SEC23A: variants seen among roughly 807,000 people sequenced by gnomAD.
The protein encoded by SEC23A is protein transport protein Sec23A.
Under a neutral mutation model 103.7 loss-of-function variants are expected in SEC23A, and 56 were observed. That is an observed-to-expected ratio of 0.54 (90% CI 0.44 to 0.67). SEC23A has a LOEUF of 0.67. Among genes scored for constraint, SEC23A ranks in the 30% least tolerant of loss-of-function variants. SEC23A has a pLI of 0.00. For synonymous variants in SEC23A, 281 were observed against 293.0 expected (o/e 0.96, Z 0.42); for missense variants, 784 against 936.4 (o/e 0.84, Z 2.12).
At chr14:39,055,543 G>C (rs1886214872) in intron 13 of SEC23A, among the ~76,000 whole-genome samples, 1 of 152,042 alleles carries the variant, frequency 6.6e-6, no homozygotes. Flanking sequence ...AAGTAGCTGG[G>C]ATTACAGGCA....
intron 8 of SEC23A, among the ~76,000 whole-genome samples, chr14:39,075,042 G>A (rs753032752): frequency 9.9e-5 from 15 of 152,180 alleles, no homozygotes; most frequent in Non-Finnish European, 1.8e-4. Context: ...AAGAGATGGA[G>A]CTTACAGTGA....
intron 10 of SEC23A, among the ~76,000 whole-genome samples, chr14:39,066,018 A>C (rs1359973714): frequency 3.3e-5 from 4 of 120,698 alleles, no homozygotes; most frequent in South Asian, 2.7e-4. Flanking sequence ...AAAAAAAAAA[A>C]AAAAAAAAAA....
At chr14:39,076,964 C>T (rs1160476963) in intron 7 of SEC23A, among the ~76,000 whole-genome samples, 2 of 150,784 alleles carry the variant, frequency 1.3e-5, no homozygotes, top group African/African-American at 2.4e-5. Context: ...CAGTGGCTGA[C>T]GCCTGTAATC....
rs140996705 is a variant in SEC23A at position 39,046,296 on chromosome 14, C to T, written c.1738-972G>A. Among the ~76,000 whole-genome samples, 66 of 152,142 alleles carry T rather than the reference C, an allele frequency of 4.3e-4. 1 individual carries two copies. In the East Asian group the frequency reaches 0.011, roughly 26 times the overall value. ...CCAGCCTGGCCAACATGGTGAAACCCCGTCTCTACTAAAAATACAAAAAAT... is the reference window on the plus strand; with the variant it reads ...CCAGCCTGGCCAACATGGTGAAACCTCGTCTCTACTAAAAATACAAAAAAT... On this transcript the variant is annotated intron_variant, in intron 15 of 19. Transcript: ENST00000307712.
At chr14:39,073,481 A>G (rs1197929393) in intron 9 of SEC23A, among the ~76,000 whole-genome samples, 2 of 150,654 alleles carry the variant, frequency 1.3e-5, no homozygotes, top group Admixed American at 6.7e-5. Flanking sequence ...TTTAGTAGAG[A>G]CAGGGTTTCA....
chr14:39,049,192 T>C (rs1438587376), intron 14 of SEC23A, among the ~76,000 whole-genome samples: 3 of 129,236 alleles, frequency 2.3e-5, no homozygotes, highest in Non-Finnish European at 5.1e-5. Flanking sequence ...AAAAAAAAAA[T>C]TGTGGCCGGG....
At chr14:39,065,029 A>C in intron 10 of SEC23A, 36 bp from the exon 11 acceptor site, 1 of 1,335,218 alleles carries the variant, frequency 7.5e-7, no homozygotes, top group Non-Finnish European at 1.1e-6. Context: ...CGGTTTCCTC[A>C]AAGATACGTT....
chr14:39,054,274 C>CAA (rs111991914), intron 14 of SEC23A, among the ~76,000 whole-genome samples: 1 of 115,570 alleles, frequency 8.7e-6, no homozygotes, highest in South Asian at 2.9e-4. Context: ...GACCCTGTCT[C>CAA]AAAAAAAAAA....
chr14:39,064,885 T>C, intron 11 of SEC23A, 28 bp downstream of exon 11: 3 of 1,516,544 alleles, frequency 2.0e-6, no homozygotes, highest in Non-Finnish European at 2.7e-6. Flanking sequence ...TGGTCCTGTA[T>C]TTTCTTTTTA....
At chr14:39,093,082 T>C (rs1887717101) in intron 3 of SEC23A, 105 bp downstream of exon 3, 2 of 833,768 alleles carry the variant, frequency 2.4e-6, no homozygotes, top group Non-Finnish European at 1.9e-6. Context: ...TTAGCCAGGA[T>C]GGTCTCAATC....
At chr14:39,077,814 T>C (rs1008624783) in intron 7 of SEC23A, among the ~76,000 whole-genome samples, 1 of 151,202 alleles carries the variant, frequency 6.6e-6, no homozygotes, top group Non-Finnish European at 1.5e-5. Context: ...ACACCTGTAA[T>C]CCCAGCTTCT....
chr14:39,078,339 A>G (rs1887110688), intron 7 of SEC23A, among the ~76,000 whole-genome samples: 1 of 152,202 alleles, frequency 6.6e-6, no homozygotes, highest in African/African-American at 2.4e-5. Flanking sequence ...TTCAAACAAT[A>G]AATTGTACTG....
At chr14:39,082,747 A>G (rs936975818) in intron 7 of SEC23A, among the ~76,000 whole-genome samples, 6 of 152,228 alleles carry the variant, frequency 3.9e-5, no homozygotes, top group African/African-American at 1.4e-4. Flanking sequence ...GTAAAATGTA[A>G]CAATAAGAAC....
chr14:39,035,136 G>A (rs907783964), intron 19 of SEC23A, among the ~76,000 whole-genome samples: 1 of 152,038 alleles, frequency 6.6e-6, no homozygotes, highest in Admixed American at 6.6e-5. Context: ...ATCTATATGA[G>A]CCTCAATTTC....
Position 39,073,603 on chromosome 14 carries a change from C to CTTT in SEC23A, c.1103+809_1103+811dup, listed in dbSNP as rs905464578. Among the ~76,000 whole-genome samples, 586 of 83,884 alleles carry CTTT rather than the reference C, an allele frequency of 7.0e-3. 2 individuals are homozygous for CTTT. Among genetic ancestry groups the CTTT allele is most frequent in the Non-Finnish European group, 8.3e-3 (364 of 44,036 alleles). 55.0% of individuals were successfully genotyped at this position (83,884 alleles called of 152,430 possible). A position where few individuals can be genotyped will look rare whatever the true frequency, so the allele number is the denominator to read the frequency against. ...GCCACGGTGCCCGGCTCTGATTCCT[C>CTTT]TTTTTTTTTTTTTTTTTTTTTTTTG... On this transcript the variant is annotated intron_variant, in intron 9 of 19. Coordinates refer to ENST00000307712, the MANE Select transcript of SEC23A (RefSeq NM_006364.4).
In SEC23A at chr14:39,045,048, C is replaced by A. The variant is rs183812134; in HGVS notation, c.1899+115G>T. 1,799 of 883,862 alleles carry A rather than the reference C, an allele frequency of 2.0e-3. 5 individuals carry two copies. Among genetic ancestry groups the A allele is most frequent in the Non-Finnish European group, 2.9e-3 (1,601 of 549,576 alleles). 54.8% of individuals were successfully genotyped at this position (883,862 alleles called of 1,614,324 possible). ...ACATTAATAGGTTGAGATGTCCATT[C>A]TTTTAGTTAAATTCTTATATTTAGT... On this transcript the variant is annotated intron_variant, in intron 16 of 19. Transcript: ENST00000307712.
Position 39,033,018 on chromosome 14 carries a change from C to CTA in SEC23A, c.*219_*220dup, listed in dbSNP as rs1420810012. On this transcript the variant is annotated 3_prime_UTR_variant, in exon 20 of 20. Transcript: ENST00000307712. ...AAAGACTTCAAATTTCTAGAACCAG[C>CTA]TATAACACTGTGGTAAGCAAAATAA... The CTA allele has an allele frequency of 1.8e-6, 1 of 547,494 alleles. No individual in the cohort carries two copies. The highest frequency in any genetic ancestry group is 3.3e-6 in the Non-Finnish European group (1 of 302,466). The allele number at this position is 547,494 out of a possible 1,614,324, so 33.9% of individuals were successfully genotyped here.
At chr14:39,096,530 CAA>C (rs145342826) in intron 1 of SEC23A, among the ~76,000 whole-genome samples, 33 of 132,420 alleles carry the variant, frequency 2.5e-4, no homozygotes, top group Admixed American at 4.6e-4. Flanking sequence ...AACTCCATCT[CAA>C]AAAAAAAAAA....
intron 15 of SEC23A, chr14:39,047,378 C>T: frequency 7.8e-7 from 1 of 1,287,710 alleles, no homozygotes; most frequent in Non-Finnish European, 1.0e-6. Flanking sequence ...TTAAGACAAG[C>T]AGACCTTGCC....
Sources: allele counts gnomAD v4.1 joint callset (sites outside exome capture counted in the v4.1 genomes callset), GRCh38; gene constraint gnomAD v4.1.1; transcripts MANE v1.5; gene names NCBI Gene and HGNC (gene_info 2026-07-23, HGNC 2026-07-21).